The following SLC24A2 variants were observed in gnomAD, a reference collection of about 807,000 sequenced individuals.
The protein encoded by SLC24A2 is solute carrier family 24 member 2.
SLC24A2 carries 36 observed loss-of-function variants against 62.0 expected under a neutral mutation model. The observed-to-expected ratio is 0.58, with a 90% CI of 0.44 to 0.77. The LOEUF is 0.77. SLC24A2 is among the 30% of genes least tolerant of loss of function. The pLI is 0.00. For synonymous variants in SLC24A2, 358 were observed against 294.0 expected, an observed-to-expected ratio of 1.22 and a Z score of -2.23; for missense variants, 846 against 817.9, an observed-to-expected ratio of 1.03 and a Z score of -0.42.
At chr9:20,083,570 T>A in the SLC24A2 span, among the ~76,000 whole-genome samples, 38 of 152,248 alleles carry the variant, frequency 2.5e-4, no homozygotes, top group Non-Finnish European at 4.1e-4. Flanking sequence ...TAGCAGCGAA[T>A]TGCCATTCAG....
chr9:19,517,910 A>ACAC, intron 10 of SLC24A2, among the ~76,000 whole-genome samples: 1 of 131,630 alleles, frequency 7.6e-6, no homozygotes, highest in Non-Finnish European at 1.6e-5. Context: ...TTCTTATTAA[A>ACAC]ACACACACAC....
the SLC24A2 span, among the ~76,000 whole-genome samples, chr9:19,823,629 AAAAACAAAAC>A: frequency 7.3e-5 from 11 of 150,178 alleles, no homozygotes; most frequent in Admixed American, 2.7e-4. Context: ...CTCAGTCTCA[AAAAACAAAAC>A]AAAACAAAAC....
At chr9:20,121,370 A>G in the SLC24A2 span, among the ~76,000 whole-genome samples, 2 of 152,076 alleles carry the variant, frequency 1.3e-5, no homozygotes, top group Non-Finnish European at 2.9e-5. Flanking sequence ...ATTATAAATG[A>G]AATTTTTAAA....
the SLC24A2 span, among the ~76,000 whole-genome samples, chr9:19,802,460 G>A: frequency 3.3e-5 from 5 of 152,136 alleles, no homozygotes; most frequent in African/African-American, 7.2e-5. Flanking sequence ...CAACATTTCT[G>A]TTAAATACAA....
At chr9:19,765,808 TG>T (rs2118872250) in intron 2 of SLC24A2, among the ~76,000 whole-genome samples, 1 of 152,282 alleles carries the variant, frequency 6.6e-6, no homozygotes, top group African/African-American at 2.4e-5. Context: ...ATCTTTGTGG[TG>T]TTCTCAGTAT....
the SLC24A2 span, among the ~76,000 whole-genome samples, chr9:20,200,247 C>G: frequency 1.3e-5 from 2 of 152,118 alleles, no homozygotes; most frequent in African/African-American, 4.8e-5. Flanking sequence ...CTCCACTGCC[C>G]ACATATTTCC....
chr9:20,187,280 G>GT, the SLC24A2 span, among the ~76,000 whole-genome samples: 128 of 151,846 alleles, frequency 8.4e-4, no homozygotes, highest in East Asian at 1.5e-3. Context: ...TAAAAACAAA[G>GT]TTTTTTTTTA....
chr9:19,923,818 G>A, the SLC24A2 span, among the ~76,000 whole-genome samples: 1 of 152,290 alleles, frequency 6.6e-6, no homozygotes, highest in East Asian at 1.9e-4. Context: ...CACAATCTTG[G>A]CTCATTGCAA....
intron 2 of SLC24A2, among the ~76,000 whole-genome samples, chr9:19,636,903 G>A (rs1818372679): frequency 6.6e-6 from 1 of 152,144 alleles, no homozygotes; most frequent in Non-Finnish European, 1.5e-5. Context: ...CCCTAAAAAG[G>A]TTAAGAATAA....
At chr9:19,570,442 C>G (rs1156946614) in intron 7 of SLC24A2, among the ~76,000 whole-genome samples, 2 of 152,172 alleles carry the variant, frequency 1.3e-5, no homozygotes, top group Non-Finnish European at 2.9e-5. Context: ...GGCAGGCTCT[C>G]AGAGCACTTT....
the SLC24A2 span, among the ~76,000 whole-genome samples, chr9:20,213,524 C>A: frequency 6.6e-6 from 1 of 152,052 alleles, no homozygotes; most frequent in African/African-American, 2.4e-5. Flanking sequence ...TATATTCACA[C>A]ATAAAATAAT....
chr9:19,998,190 G>C, the SLC24A2 span, among the ~76,000 whole-genome samples: 1 of 152,176 alleles, frequency 6.6e-6, no homozygotes, highest in African/African-American at 2.4e-5. Context: ...AGAGATGGGA[G>C]ATTGAGATTT....
At chr9:19,573,179 A>C (rs1422430657) in intron 7 of SLC24A2, among the ~76,000 whole-genome samples, 172 bp downstream of exon 7, 1 of 152,170 alleles carries the variant, frequency 6.6e-6, no homozygotes, top group Admixed American at 6.5e-5. Flanking sequence ...AGGCTGCTGC[A>C]TGTGGGACCC....
intron 2 of SLC24A2, among the ~76,000 whole-genome samples, chr9:19,695,968 T>C (rs12000848): frequency 0.44 from 67,284 of 151,930 alleles, 16,806 homozygotes; most frequent in African/African-American, 0.69. Context: ...GGGTCCCCAG[T>C]CCCTGGGCTG....
intron 8 of SLC24A2, among the ~76,000 whole-genome samples, chr9:19,549,689 G>C (rs1259918682): frequency 6.6e-6 from 1 of 152,192 alleles, no homozygotes; most frequent in African/African-American, 2.4e-5. Context: ...GAAGCCTCCA[G>C]ATGATGGTAG....
At chr9:19,824,051 T>G in the SLC24A2 span, among the ~76,000 whole-genome samples, 1 of 151,908 alleles carries the variant, frequency 6.6e-6, no homozygotes, top group Admixed American at 6.6e-5. Flanking sequence ...AAATGTAAAA[T>G]CTAAAACCAT....
the SLC24A2 span, among the ~76,000 whole-genome samples, chr9:20,206,406 A>T: frequency 4.3e-4 from 65 of 152,292 alleles, 1 homozygote; most frequent in African/African-American, 1.5e-3. Context: ...ATTCTCATGA[A>T]TTTTTTTGTG....
At chr9:19,622,954 C>G (rs1010997225) in intron 2 of SLC24A2, among the ~76,000 whole-genome samples, 2 of 152,092 alleles carry the variant, frequency 1.3e-5, no homozygotes, top group Admixed American at 6.6e-5. Context: ...TCCTTCTGTT[C>G]CCATCACCTC....
chr9:20,073,919 G>GATATATATAT, the SLC24A2 span, among the ~76,000 whole-genome samples: 4 of 140,786 alleles, frequency 2.8e-5, no homozygotes, highest in East Asian at 2.1e-4. Flanking sequence ...CTTGTGGGGA[G>GATATATATAT]ATATATATAT....
Sources: gnomAD v4.1 joint callset for allele counts (sites outside exome capture counted in the v4.1 genomes callset) on GRCh38, gnomAD v4.1.1 for gene constraint, MANE v1.5 for transcripts, NCBI Gene and HGNC (gene_info 2026-07-23, HGNC 2026-07-21) for gene names.